The following MACROD2 variants were observed in gnomAD, a reference collection of about 807,000 sequenced individuals.
The protein encoded by MACROD2 is ADP-ribose glycohydrolase MACROD2.
MACROD2 carries 36 observed loss-of-function variants against 70.4 expected under a neutral mutation model. The observed-to-expected ratio is 0.51, with a 90% CI of 0.39 to 0.68. MACROD2 has a LOEUF of 0.68. Ranked by LOEUF, MACROD2 falls within the 30% of genes least tolerant of loss-of-function variation. The probability of loss-of-function intolerance (pLI) is 0.00; values close to 1 mark genes in which losing one functional copy is unlikely to be tolerated. For missense variants in MACROD2, 496 were observed against 538.4 expected, an observed-to-expected ratio of 0.92 and a Z score of 0.78; for synonymous variants, 172 against 178.8, an observed-to-expected ratio of 0.96 and a Z score of 0.30.
chr20:14,821,985 T>G (rs898475962), intron 5 of MACROD2, among the ~76,000 whole-genome samples: 2 of 152,134 alleles, frequency 1.3e-5, no homozygotes, highest in African/African-American at 4.8e-5. Context: ...TGTTTGATAT[T>G]GTTTAGGATT....
At chr20:14,168,306 AC>A (rs1316263425) in intron 3 of MACROD2, among the ~76,000 whole-genome samples, 3 of 152,214 alleles carry the variant, frequency 2.0e-5, no homozygotes, top group Non-Finnish European at 4.4e-5. Context: ...ATTCAAAGAT[AC>A]CTTCTAAGTT....
At chr20:14,643,862 G>A (rs761457608) in intron 4 of MACROD2, among the ~76,000 whole-genome samples, 1 of 152,106 alleles carries the variant, frequency 6.6e-6, no homozygotes, top group African/African-American at 2.4e-5. Context: ...GTATGGGTAG[G>A]TAAATGAATG....
At chr20:14,646,917 A>G (rs1416889102) in intron 4 of MACROD2, among the ~76,000 whole-genome samples, 2 of 152,088 alleles carry the variant, frequency 1.3e-5, no homozygotes, top group Non-Finnish European at 2.9e-5. Context: ...CTTCATGCAT[A>G]TAAATATGTG....
At chr20:14,260,759 A>AG (rs2082094990) in intron 3 of MACROD2, among the ~76,000 whole-genome samples, 1 of 152,262 alleles carries the variant, frequency 6.6e-6, no homozygotes, top group African/African-American at 2.4e-5. Context: ...ACATTTTAAT[A>AG]ATCCCTATCT....
chr20:15,907,683 A>G, intron 10 of MACROD2, among the ~76,000 whole-genome samples: 1 of 152,206 alleles, frequency 6.6e-6, no homozygotes, highest in Non-Finnish European at 1.5e-5. Context: ...GAGTGTGGAC[A>G]GTCATTTTGC....
chr20:15,303,050 G>C (rs570514373), intron 6 of MACROD2, among the ~76,000 whole-genome samples: 1 of 152,176 alleles, frequency 6.6e-6, no homozygotes, highest in Non-Finnish European at 1.5e-5. Flanking sequence ...GTAAATAGTA[G>C]CTGCTGTTAA....
chr20:15,007,806 G>A (rs2075051642), intron 5 of MACROD2, among the ~76,000 whole-genome samples: 1 of 152,190 alleles, frequency 6.6e-6, no homozygotes, highest in African/African-American at 2.4e-5. Flanking sequence ...AACACTCTCA[G>A]GGACATTGCT....
intron 15 of MACROD2, among the ~76,000 whole-genome samples, chr20:15,988,311 C>A (rs1032078449): frequency 2.6e-5 from 4 of 151,978 alleles, no homozygotes; most frequent in Non-Finnish European, 5.9e-5. Context: ...TTGAAACAAC[C>A]CTTACTCAGA....
chr20:14,362,783 G>A (rs1251682041), intron 3 of MACROD2, among the ~76,000 whole-genome samples: 1 of 151,818 alleles, frequency 6.6e-6, no homozygotes, highest in Non-Finnish European at 1.5e-5. Flanking sequence ...GAAATCTCTG[G>A]GGAAAAAAAG....
intron 5 of MACROD2, among the ~76,000 whole-genome samples, chr20:14,939,669 T>C (rs1267284549): frequency 6.6e-6 from 1 of 152,184 alleles, no homozygotes; most frequent in African/African-American, 2.4e-5. Context: ...ATCTGTAAAA[T>C]TGCTTTGGAT....
chr20:15,191,110 A>G (rs1243524016), intron 5 of MACROD2, among the ~76,000 whole-genome samples: 1 of 152,250 alleles, frequency 6.6e-6, no homozygotes, highest in Non-Finnish European at 1.5e-5. Flanking sequence ...CCAGAAAACA[A>G]AAATGAAGAA....
chr20:15,782,282 C>T (rs983470863), intron 8 of MACROD2, among the ~76,000 whole-genome samples: 4 of 152,080 alleles, frequency 2.6e-5, no homozygotes, highest in African/African-American at 9.7e-5. Flanking sequence ...TGCTGTTTAA[C>T]AATCCATTGT....
intron 3 of MACROD2, among the ~76,000 whole-genome samples, chr20:14,320,707 C>T (rs1445789603): frequency 2.1e-5 from 3 of 139,582 alleles, no homozygotes; most frequent in African/African-American, 5.6e-5. Context: ...CATGCCTAGC[C>T]TTCATCTGGG....
At chr20:14,399,985 A>G (rs914618152) in intron 3 of MACROD2, among the ~76,000 whole-genome samples, 1 of 152,184 alleles carries the variant, frequency 6.6e-6, no homozygotes, top group Non-Finnish European at 1.5e-5. Flanking sequence ...TGTACAGAAT[A>G]TAGTTACAAA....
At chr20:14,808,058 G>A (rs547640598) in intron 5 of MACROD2, among the ~76,000 whole-genome samples, 26 of 152,172 alleles carry the variant, frequency 1.7e-4, no homozygotes, top group Middle Eastern at 3.4e-3. Context: ...AACCGAGCAA[G>A]ACAGGCCAAC....
At chr20:15,846,448 C>A (rs2064231879) in intron 8 of MACROD2, among the ~76,000 whole-genome samples, 1 of 152,056 alleles carries the variant, frequency 6.6e-6, no homozygotes, top group African/African-American at 2.4e-5. Flanking sequence ...GTGAAGGCAG[C>A]ACACACTTTT....
At chr20:14,755,141 G>A (rs2071923435) in intron 5 of MACROD2, among the ~76,000 whole-genome samples, 2 of 151,952 alleles carry the variant, frequency 1.3e-5, no homozygotes, top group Admixed American at 1.3e-4. Context: ...AGGGTGGGTG[G>A]AGAAACCAGA....
At chr20:14,506,735 G>C (rs1252821847) in intron 4 of MACROD2, among the ~76,000 whole-genome samples, 2 of 152,136 alleles carry the variant, frequency 1.3e-5, no homozygotes, top group East Asian at 3.9e-4. Context: ...CAGACAACGA[G>C]GTCAGGAAAG....
At chr20:15,451,417 TAAA>T (rs35308671) in intron 7 of MACROD2, among the ~76,000 whole-genome samples, 2 of 83,372 alleles carry the variant, frequency 2.4e-5, no homozygotes, top group African/African-American at 8.9e-5. Flanking sequence ...GGGTGGTAAA[TAAA>T]AAAAAAAAAA....
Sources: gnomAD v4.1 joint callset for allele counts (sites outside exome capture counted in the v4.1 genomes callset) on GRCh38, gnomAD v4.1.1 for gene constraint, MANE v1.5 for transcripts, NCBI Gene and HGNC (gene_info 2026-07-23, HGNC 2026-07-21) for gene names.